The following LAYN variants were observed in gnomAD, a reference collection of about 807,000 sequenced individuals.
LAYN encodes the protein layilin.
Under a neutral mutation model 43.6 loss-of-function variants are expected in LAYN, and 38 were observed. The ratio of observed to expected loss-of-function variants is 0.87; its 90% CI spans 0.67 to 1.14. The LOEUF (loss-of-function observed/expected upper bound fraction) is 1.14, where lower values mean the gene tolerates loss of function less well. Among genes scored for constraint, LAYN ranks in the 50% most tolerant of loss-of-function variants. The pLI, the probability that LAYN is intolerant of heterozygous loss-of-function variation, is 0.00. For missense variants in LAYN, 479 were observed against 463.8 expected, an observed-to-expected ratio of 1.03 and a Z score of -0.30; for synonymous variants, 168 against 172.9, an observed-to-expected ratio of 0.97 and a Z score of 0.22.
chr11:111,544,663 T>C (rs992404656), intron 2 of LAYN, among the ~76,000 whole-genome samples: 6 of 152,098 alleles, frequency 3.9e-5, no homozygotes, highest in African/African-American at 1.4e-4. Flanking sequence ...AAGCCTGCAG[T>C]GTATAGGGCC....
At chr11:111,551,222 G>A (rs907577759) in intron 3 of LAYN, 1 of 397,768 alleles carries the variant, frequency 2.5e-6, no homozygotes, top group African/African-American at 2.1e-5. Flanking sequence ...ACCACAAAAT[G>A]CAGCTACTAT....
Position 111,560,583 on chromosome 11 carries a change from A to C in LAYN, c.*125A>C. On this transcript the variant is annotated 3_prime_UTR_variant, in exon 7 of 7. Transcript: ENST00000375614. ...CTTAGATCAGGTCCTGTGGATGAGC[A>C]TGTGGTCCCCACGACCTCCTGTTGG... 1 of 1,105,248 alleles carries C rather than the reference A, an allele frequency of 9.0e-7. No individual in the cohort carries two copies. Among genetic ancestry groups the C allele is most frequent in the South Asian group, 1.7e-5 (1 of 59,112 alleles). The allele number at this position is 1,105,248 out of a possible 1,614,324, so 68.5% of individuals were successfully genotyped here.
rs1252099247 is a variant in LAYN, at chr11:111,540,898, C to A, written c.55C>A (p.Leu19Met). Reference sequence around the variant, plus strand: ...GCTGCTGGCCGTGCTGCTGGTGGGGCTGCGGGCCGCGACGGGTCGCCTGCT... The same window carrying A: ...GCTGCTGGCCGTGCTGCTGGTGGGGATGCGGGCCGCGACGGGTCGCCTGCT... ...AVLLAVLLVG[L>M]RAATGRLLSG... The change falls in exon 1 of 7, where the codon CTG (leucine) becomes ATG (methionine). Residue 19 changes from leucine to methionine, a missense_variant. Coordinates refer to ENST00000375614, the MANE Select transcript of LAYN (RefSeq NM_178834.5). The A allele has an allele frequency of 1.8e-5, 28 of 1,532,284 alleles. No homozygotes were observed. The highest frequency in any genetic ancestry group is 3.9e-5 in the Admixed American group (2 of 50,874). The allele number at this position is 1,532,284 out of a possible 1,614,324, so 94.9% of individuals were successfully genotyped here. A position where few individuals can be genotyped will look rare whatever the true frequency, so the allele number is the denominator to read the frequency against.
At position 111,560,441 on chromosome 11, in the gene LAYN, G is replaced by T. The variant is rs748420494; in HGVS notation, c.1108G>T (p.Glu370Ter). ...TAAGGAGTCTGGATGGGTGGAAAAT[G>T]AAATATATGGTTATTAGGACATATA... Reference protein sequence around the residue: ...RSKESGWVENEIYGY With the variant: ...RSKESGWVEN The change falls in exon 7 of 7, where the codon GAA becomes TAA. Residue 370 changes from glutamate (E) to a stop codon, truncating the protein, a stop_gained. Coordinates refer to ENST00000375614, the MANE Select transcript of LAYN (RefSeq NM_178834.5). LOFTEE classifies it high-confidence loss of function. 1 of 1,613,314 alleles carries T rather than the reference G, an allele frequency of 6.2e-7. No individual in the cohort carries two copies. Among genetic ancestry groups the T allele is most frequent in the South Asian group, 1.1e-5 (1 of 90,970 alleles).
In LAYN at chr11:111,560,540, A is replaced by G; in HGVS notation, c.*82A>G. 7.0e-7 allele frequency: 1 copy of G among 1,424,768 alleles called. No individual in the cohort carries two copies. Among genetic ancestry groups the G allele is most frequent in the Non-Finnish European group, 9.5e-7 (1 of 1,053,780 alleles). The allele number at this position is 1,424,768 out of a possible 1,614,324, so 88.3% of individuals were successfully genotyped here. ...CTTATTTTCTATAAGGAAAATACAC[A>G]GAAGGTCTATGAACAAGCTTAGATC... On this transcript the variant is annotated 3_prime_UTR_variant, in exon 7 of 7. Transcript: ENST00000375614.
chr11:111,551,424 G>T (rs756242707), intron 3 of LAYN: 2 of 456,258 alleles, frequency 4.4e-6, no homozygotes, highest in South Asian at 3.1e-5. Context: ...GACAGAGAAT[G>T]GATCCAACAG....
chr11:111,551,087 C>T (rs1026581240), intron 3 of LAYN, among the ~76,000 whole-genome samples: 1 of 152,034 alleles, frequency 6.6e-6, no homozygotes, highest in African/African-American at 2.4e-5. Flanking sequence ...GTAAAATATC[C>T]AGGGACTAGC....
chr11:111,547,342 C>A (rs1010812315), intron 2 of LAYN, among the ~76,000 whole-genome samples: 4 of 152,168 alleles, frequency 2.6e-5, no homozygotes, highest in African/African-American at 9.7e-5. Context: ...GTGTACTAAC[C>A]ACTTCTTGCT....
At position 111,555,265 on chromosome 11, in the gene LAYN, C is replaced by G; in HGVS notation, c.633C>G (p.Ala211=). 6.2e-7 allele frequency: 1 copy of G among 1,612,896 alleles called. No homozygotes were observed. Among genetic ancestry groups the G allele is most frequent in the East Asian group, 2.2e-5 (1 of 44,834 alleles). Residue 211 remains alanine (A), a synonymous_variant, in exon 5 of 7, where the codon GCC becomes GCG. Transcript: ENST00000375614. Reference sequence around the variant, plus strand: ...CAGAAGAAACACAGGAAGAAGATGCCAAAAAAACATTTAAAGAAAGTAGAG... The same window carrying G: ...CAGAAGAAACACAGGAAGAAGATGCGAAAAAAACATTTAAAGAAAGTAGAG... The part of the protein sequence containing the change: ...VLPEETQEED[A]KKTFKESREA...
intron 4 of LAYN, 29 bp downstream of exon 4, chr11:111,554,622 A>T: frequency 1.2e-6 from 2 of 1,601,774 alleles, no homozygotes; most frequent in East Asian, 4.5e-5. Context: ...ATTTGGGTTA[A>T]CTGGGGCTGT....
At chr11:111,549,856 G>T in intron 3 of LAYN, 81 bp downstream of exon 3, 1 of 1,430,896 alleles carries the variant, frequency 7.0e-7, no homozygotes, top group Non-Finnish European at 9.4e-7. Flanking sequence ...CCAAGAATTT[G>T]TCATGTGGTC....
chr11:111,558,625 T>C (rs1282106659), intron 6 of LAYN, among the ~76,000 whole-genome samples: 1 of 152,024 alleles, frequency 6.6e-6, no homozygotes, highest in Non-Finnish European at 1.5e-5. Context: ...GACTCTCTGT[T>C]TTGTACTTTA....
In LAYN at chr11:111,555,271, A is replaced by AG. The variant is rs559460913; in HGVS notation, c.639_640insG (p.Thr214AspfsTer3). The AG allele has an allele frequency of 7.4e-5, 120 of 1,613,628 alleles. No individual in the cohort carries two copies. In the South Asian group the frequency reaches 1.3e-3, roughly 17 times the overall value. On this transcript the variant is annotated frameshift_variant, in exon 5 of 7. Coordinates refer to ENST00000375614, the MANE Select transcript of LAYN (RefSeq NM_178834.5). LOFTEE classifies it high-confidence loss of function. ...AAACACAGGAAGAAGATGCCAAAAA[A>AG]ACATTTAAAGAAAGTAGAGGTATCT...
chr11:111,549,385 T>C (rs1409532290), intron 2 of LAYN, among the ~76,000 whole-genome samples: 4 of 152,248 alleles, frequency 2.6e-5, no homozygotes, highest in Non-Finnish European at 5.9e-5. Flanking sequence ...TGGTGGCATG[T>C]TCCTCCCTGC....
chr11:111,554,261 AG>A (rs1867795161), intron 3 of LAYN, among the ~76,000 whole-genome samples: 1 of 152,232 alleles, frequency 6.6e-6, no homozygotes, highest in Non-Finnish European at 1.5e-5. Context: ...GACGATACAC[AG>A]GGTACATTAT....
intron 4 of LAYN, among the ~76,000 whole-genome samples, chr11:111,554,878 A>G (rs2135801985): frequency 6.6e-6 from 1 of 152,268 alleles, no homozygotes. Context: ...AATGAGACCA[A>G]AAAAAATGAG....
At position 111,549,638 on chromosome 11, in the gene LAYN, C is replaced by T. The variant is rs757087985; in HGVS notation, c.404C>T (p.Pro135Leu). 5.7e-6 allele frequency: 9 copies of T among 1,573,118 alleles called. No homozygotes were observed. In the Admixed American group the frequency reaches 1.2e-4, roughly 20 times the overall value. The stretch of plus-strand genomic sequence containing the variant: ...TACAGGAACTGGTATGTGGATGAGC[C>T]ATCCTGCGGCAGCGAGGTCTGCGTG... ...SQFRNWYVDE[P>L]SCGSEVCVVM... The change falls in exon 3 of 7, where the codon CCA becomes CTA. Residue 135 changes from proline (P) to leucine (L), a missense_variant. Transcript: ENST00000375614.
chr11:111,540,561 C>A (rs1867509959), upstream of LAYN: 2 of 478,640 alleles, frequency 4.2e-6, no homozygotes, highest in African/African-American at 4.1e-5. Context: ...TGGTTCCCCT[C>A]TGCGACTCGC....
chr11:111,555,341 A>C (rs759040500), intron 5 of LAYN, 51 bp downstream of exon 5: 1 of 1,308,478 alleles, frequency 7.6e-7, no homozygotes, highest in Non-Finnish European at 1.1e-6. Flanking sequence ...TCCCTTGATT[A>C]CAAATTACCC....
Sources: allele counts gnomAD v4.1 joint callset (sites outside exome capture counted in the v4.1 genomes callset), GRCh38; gene constraint gnomAD v4.1.1; transcripts MANE v1.5; gene names NCBI Gene and HGNC (gene_info 2026-07-23, HGNC 2026-07-21).